Variants in PCDHA6 observed in about 807,000 individuals in gnomAD.
PCDHA6 encodes protocadherin alpha 6, also known as protocadherin alpha-6.
A neutral mutation model predicts 60.3 loss-of-function variants in PCDHA6; 55 were observed. That is an observed-to-expected ratio of 0.91 (90% CI 0.73 to 1.14). PCDHA6 has a LOEUF of 1.14. Ranked by LOEUF, PCDHA6 falls within the 50% of genes most tolerant of loss-of-function variation. The pLI, the probability that PCDHA6 is intolerant of heterozygous loss-of-function variation, is 0.00. For synonymous variants in PCDHA6, 652 were observed against 557.9 expected, an observed-to-expected ratio of 1.17 and a Z score of -2.38; for missense variants, 1,327 against 1,256.5, an observed-to-expected ratio of 1.06 and a Z score of -0.85.
chr5:140,920,374 G>T (rs1427300257), intron 1 of PCDHA6, among the ~76,000 whole-genome samples: 1 of 151,964 alleles, frequency 6.6e-6, no homozygotes, highest in East Asian at 1.9e-4. Flanking sequence ...TATTCTTGTG[G>T]ATTCATATTA....
intron 1 of PCDHA6, chr5:140,863,011 C>A (rs782711409): frequency 1.8e-6 from 1 of 552,250 alleles, no homozygotes. Flanking sequence ...CCAGCTATGA[C>A]GCCTGGTTGT....
intron 1 of PCDHA6, among the ~76,000 whole-genome samples, chr5:140,935,149 T>C (rs1241997966): frequency 6.6e-6 from 1 of 152,192 alleles, no homozygotes; most frequent in Admixed American, 6.5e-5. Context: ...CTTAGAGATA[T>C]AATCTCAACA....
At chr5:140,893,150 A>T (rs1398784015) in intron 1 of PCDHA6, among the ~76,000 whole-genome samples, 2 of 152,066 alleles carry the variant, frequency 1.3e-5, no homozygotes, top group African/African-American at 4.8e-5. Flanking sequence ...TCATCTGTTG[A>T]TGGATATTGA....
chr5:140,841,888 T>G, intron 1 of PCDHA6: 1 of 1,613,782 alleles, frequency 6.2e-7, no homozygotes, highest in East Asian at 2.2e-5. Context: ...ACGATGAGAA[T>G]AAACTGGTTG....
At chr5:140,922,856 T>C (rs2081036799) in intron 1 of PCDHA6, among the ~76,000 whole-genome samples, 1 of 152,072 alleles carries the variant, frequency 6.6e-6, no homozygotes, top group Non-Finnish European at 1.5e-5. Context: ...ACCAAATACA[T>C]AGACAAGGGG....
intron 1 of PCDHA6, among the ~76,000 whole-genome samples, chr5:140,914,475 T>A (rs1473439533): frequency 6.6e-6 from 1 of 152,204 alleles, no homozygotes; most frequent in Non-Finnish European, 1.5e-5. Context: ...TCTTCATAGG[T>A]GAAGTGTTTC....
At chr5:140,875,447 C>G (rs532829491) in intron 1 of PCDHA6, 1 of 1,584,206 alleles carries the variant, frequency 6.3e-7, no homozygotes, top group African/African-American at 1.4e-5. Flanking sequence ...CTGATTGTCC[C>G]AACTCAGAGG....
intron 1 of PCDHA6, chr5:140,836,173 T>G (rs2150254721): frequency 6.2e-7 from 1 of 1,613,820 alleles, no homozygotes; most frequent in South Asian, 1.1e-5. Context: ...GTACGTGCAG[T>G]TGACGCTGAC....
chr5:140,851,317 G>C, intron 1 of PCDHA6: 1 of 992,602 alleles, frequency 1.0e-6, no homozygotes, highest in Non-Finnish European at 1.2e-6. Flanking sequence ...TTGTTACCTT[G>C]TTAAGTTTGT....
At chr5:140,893,768 CT>C (rs1171880038) in intron 1 of PCDHA6, among the ~76,000 whole-genome samples, 1 of 152,132 alleles carries the variant, frequency 6.6e-6, no homozygotes, top group Non-Finnish European at 1.5e-5. Flanking sequence ...TGACTTGTCA[CT>C]TTTCTTTTAC....
chr5:140,917,106 TC>T (rs1554197830), intron 1 of PCDHA6, among the ~76,000 whole-genome samples: 1 of 152,094 alleles, frequency 6.6e-6, no homozygotes, highest in African/African-American at 2.4e-5. Context: ...GTGCTTTACT[TC>T]CTCCAAGTGC....
intron 3 of PCDHA6, among the ~76,000 whole-genome samples, chr5:141,002,090 A>AGG (rs782223041): frequency 1.3e-5 from 2 of 152,254 alleles, no homozygotes; most frequent in Non-Finnish European, 2.9e-5. Flanking sequence ...CGAGCAGTCC[A>AGG]GGGGCTGGGC....
At position 141,011,990 on chromosome 5, in the gene PCDHA6, T is replaced by C. The variant is rs1554263765; in HGVS notation, c.*2053T>C. On this transcript the variant is annotated 3_prime_UTR_variant, in exon 4 of 4. Transcript: ENST00000529310. ...ACTGTCTTGTCTACTTTTAGCTTCA[T>C]TCTCCCATATTTTGAAGGGTGTGTA... 1 of 153,772 alleles carries C rather than the reference T, an allele frequency of 6.5e-6. No homozygotes were observed. The highest frequency in any genetic ancestry group is 1.5e-5 in the Non-Finnish European group (1 of 68,038). 9.5% of individuals were successfully genotyped at this position (153,772 alleles called of 1,614,324 possible). A position where few individuals can be genotyped will look rare whatever the true frequency, so the allele number is the denominator to read the frequency against.
At chr5:140,963,957 A>T (rs1585999636) in intron 1 of PCDHA6, among the ~76,000 whole-genome samples, 1 of 152,230 alleles carries the variant, frequency 6.6e-6, no homozygotes. Flanking sequence ...CACTGGCAGG[A>T]GTGTGACTGA....
intron 1 of PCDHA6, among the ~76,000 whole-genome samples, chr5:140,951,706 G>A (rs2094621330): frequency 6.6e-6 from 1 of 152,060 alleles, no homozygotes; most frequent in African/African-American, 2.4e-5. Context: ...CTTTGGGCGG[G>A]GACACAGATC....
At chr5:140,837,761 G>A (rs1274767174) in intron 1 of PCDHA6, among the ~76,000 whole-genome samples, 1 of 151,628 alleles carries the variant, frequency 6.6e-6, no homozygotes, top group Non-Finnish European at 1.5e-5. Context: ...ACTGCAACCT[G>A]AAAGTCCTGG....
chr5:140,889,025 A>G (rs2062065518), intron 1 of PCDHA6, among the ~76,000 whole-genome samples: 1 of 152,068 alleles, frequency 6.6e-6, no homozygotes, highest in South Asian at 2.1e-4. Flanking sequence ...TTCCTTGGAT[A>G]ACCGTAATTT....
rs782000026 is a variant in PCDHA6, at chr5:140,858,227, G to A, written c.2394+27742G>A. 14 of 1,596,370 alleles carry A rather than the reference G, an allele frequency of 8.8e-6. 2 individuals carry two copies. The African/African-American group carries it at 1.9e-4, about 21-fold the overall frequency. On this transcript the variant is annotated intron_variant, in intron 1 of 3. Coordinates refer to ENST00000529310, the MANE Select transcript of PCDHA6 (RefSeq NM_018909.4). Reference sequence around the variant, plus strand: ...ACTGAGGTGCTCGGCGGCGCCCACCGAGGGCGCATGTGGGCCGGTGAAGCC... The same window carrying A: ...ACTGAGGTGCTCGGCGGCGCCCACCAAGGGCGCATGTGGGCCGGTGAAGCC...
At chr5:140,838,077 A>ATAGT (rs1203070308) in intron 1 of PCDHA6, among the ~76,000 whole-genome samples, 13 of 80,664 alleles carry the variant, frequency 1.6e-4, no homozygotes, top group Non-Finnish European at 3.2e-4. Flanking sequence ...ATATATATAT[A>ATAGT]GTGTGTGTGT....
Sources: gnomAD v4.1 joint callset for allele counts (sites outside exome capture counted in the v4.1 genomes callset) on GRCh38, gnomAD v4.1.1 for gene constraint, MANE v1.5 for transcripts, NCBI Gene and HGNC (gene_info 2026-07-23, HGNC 2026-07-21) for gene names.